The following DNASE1 variants were observed in gnomAD, a reference collection of about 807,000 sequenced individuals.
The protein encoded by DNASE1 is deoxyribonuclease 1.
Under a neutral mutation model 33.9 loss-of-function variants are expected in DNASE1, and 40 were observed. The ratio of observed to expected loss-of-function variants is 1.18; its 90% CI spans 0.92 to 1.54. The LOEUF (loss-of-function observed/expected upper bound fraction) is 1.54. Ranked by LOEUF, DNASE1 falls within the 40% of genes most tolerant of loss-of-function variation. DNASE1 has a pLI of 0.00. For missense variants in DNASE1, 518 were observed against 372.6 expected (o/e 1.39, Z -3.21); for synonymous variants, 216 against 160.0 (o/e 1.35, Z -2.64).
chr16:3,658,674 AAAAC>A (rs35893407), downstream of DNASE1: 11,261 of 983,046 alleles, frequency 0.011, 314 homozygotes, highest in East Asian at 0.094. Flanking sequence ...TCCATCTCAA[AAAAC>A]AAACAAACAA....
At chr16:3,659,734 TA>T (rs1197052063), downstream of DNASE1, 1 of 145,604 alleles carries the variant, frequency 6.9e-6, no homozygotes, top group Non-Finnish European at 1.5e-5. Context: ...TGCATCCCTT[TA>T]AACACTTTTT....
At chr16:3,635,102 G>T (rs2041828069) in intron 1 of DNASE1, among the ~76,000 whole-genome samples, 1 of 152,160 alleles carries the variant, frequency 6.6e-6, no homozygotes. Context: ...CTAGAGGCAT[G>T]CACCACCATG....
chr16:3,613,774 A>G (rs949581842), intron 1 of DNASE1, among the ~76,000 whole-genome samples: 5 of 152,038 alleles, frequency 3.3e-5, no homozygotes, highest in African/African-American at 1.2e-4. Context: ...TTCGTTTTCG[A>G]CGGAGTTTGG....
rs555538188 is a variant in DNASE1 at position 3,621,312 on chromosome 16, C to T, written c.-1359+9306C>T. Among the ~76,000 whole-genome samples, 20 of 152,276 alleles carry T rather than the reference C, an allele frequency of 1.3e-4. No individual in the cohort carries two copies. The South Asian group carries it at 3.9e-3, about 30-fold the overall frequency. Reference sequence around the variant, plus strand: ...ATCTTGCCCAGGCTGATCTTAAACTCTTAGCCTCTGGTGATCCTCCTGCCT... The same window carrying T: ...ATCTTGCCCAGGCTGATCTTAAACTTTTAGCCTCTGGTGATCCTCCTGCCT... On this transcript the variant is annotated intron_variant and NMD_transcript_variant, in intron 1 of 11. Transcript: ENST00000570769.
At chr16:3,649,616 G>T (rs1022255025) in intron 1 of DNASE1, among the ~76,000 whole-genome samples, 3 of 152,216 alleles carry the variant, frequency 2.0e-5, no homozygotes, top group African/African-American at 7.2e-5. Flanking sequence ...CATTATGTCA[G>T]ATCAGAAGCT....
chr16:3,639,469 C>G (rs746083347), upstream of DNASE1, among the ~76,000 whole-genome samples: 1 of 152,196 alleles, frequency 6.6e-6, no homozygotes, highest in Non-Finnish European at 1.5e-5. Flanking sequence ...CGTCCTCGCA[C>G]GTGGTTCTTG....
In DNASE1 at chr16:3,657,202, G is replaced by C; in HGVS notation, c.565G>C (p.Gly189Arg). 1 of 1,614,088 alleles carries C rather than the reference G, an allele frequency of 6.2e-7. No homozygotes were observed. Among genetic ancestry groups the C allele is most frequent in the Non-Finnish European group, 8.5e-7 (1 of 1,180,016 alleles). The change falls in exon 7 of 9, where the codon GGC becomes CGC. Residue 189 changes from glycine to arginine, a missense_variant. Gly to Arg is a moderately radical substitution (Grantham distance 125). Transcript: ENST00000246949. ...TTCCTGGTAGGACGTCATGTTGATG[G>C]GCGACTTCAATGCGGGCTGCAGCTA... ...KWGLEDVMLM[G>R]DFNAGCSYVR...
At chr16:3,640,833 C>G (rs947134688), upstream of DNASE1, 1 of 398,634 alleles carries the variant, frequency 2.5e-6, no homozygotes, top group Admixed American at 4.4e-5. Context: ...GGCTGTCACT[C>G]CTGGGCCCAG....
intron 1 of DNASE1, among the ~76,000 whole-genome samples, chr16:3,620,516 C>G (rs1481842835): frequency 1.4e-5 from 2 of 145,532 alleles, no homozygotes; most frequent in African/African-American, 2.5e-5. Flanking sequence ...GAGACCCTGT[C>G]TCAAAAAAAA....
chr16:3,617,326 CAAAA>C lies in DNASE1; in HGVS notation c.-1359+5344_-1359+5347del, dbSNP rs56670885. Among the ~76,000 whole-genome samples, 266 of 57,676 alleles carry C rather than the reference CAAAA, an allele frequency of 4.6e-3. 1 individual carries two copies. The highest frequency in any genetic ancestry group is 0.02 in the African/African-American group (253 of 12,884). 37.8% of individuals were successfully genotyped at this position (57,676 alleles called of 152,430 possible). A position where few individuals can be genotyped will look rare whatever the true frequency, so the allele number is the denominator to read the frequency against. On this transcript the variant is annotated intron_variant and NMD_transcript_variant, in intron 1 of 11. Transcript: ENST00000570769. The stretch of plus-strand genomic sequence containing the variant: ...AGTCAACAAGAGCGAAACTCCATCT[CAAAA>C]AAAAAAAAAAAAAAAAAAAAAAAGA...
intron 1 of DNASE1, among the ~76,000 whole-genome samples, chr16:3,619,462 T>C (rs538989100): frequency 7.3e-5 from 11 of 151,160 alleles, no homozygotes; most frequent in South Asian, 4.2e-4. Flanking sequence ...CCCAGTTGCA[T>C]GCCATTCTCC....
downstream of DNASE1, chr16:3,659,625 G>A (rs1463523964): frequency 3.3e-5 from 5 of 152,122 alleles, no homozygotes; most frequent in Non-Finnish European, 7.4e-5. Context: ...CGAGGGCTCT[G>A]GGGAACTGTA....
intron 1 of DNASE1, among the ~76,000 whole-genome samples, 152 bp downstream of exon 1, chr16:3,655,196 T>A (rs568388191): frequency 1.4e-4 from 21 of 152,304 alleles, no homozygotes; most frequent in Admixed American, 1.3e-3. Flanking sequence ...CTCGGGGTCC[T>A]CTACGTGGTG....
intron 1 of DNASE1, among the ~76,000 whole-genome samples, chr16:3,634,572 C>T (rs533544082): frequency 3.2e-4 from 49 of 152,088 alleles, no homozygotes; most frequent in Non-Finnish European, 5.4e-4. Flanking sequence ...TATAGTGGTG[C>T]GATCATAGCA....
rs755091005 is a variant in DNASE1 at position 3,655,899 on chromosome 16, C to G, written c.198C>G (p.His66Gln). The G allele has an allele frequency of 8.7e-5, 141 of 1,613,948 alleles. No individual in the cohort carries two copies. The highest frequency in any genetic ancestry group is 1.2e-4 in the Non-Finnish European group (137 of 1,180,026). The change falls in exon 3 of 9, where the codon CAC becomes CAG. Residue 66 changes from histidine (H) to glutamine (Q), a missense_variant. By Grantham distance (24) the His-to-Gln change is conservative (BLOSUM62 0). Transcript: ENST00000246949. ...IALVQEVRDS[H>Q]LTAVGKLLDN... ...TGGTCCAGGAGGTCAGAGACAGCCA[C>G]CTGACTGCCGTGGGGAAGCTGCTGG...
exon 10 of DNASE1, chr16:3,663,978 A>G: frequency 2.8e-6 from 1 of 360,774 alleles, no homozygotes; most frequent in East Asian, 5.6e-5. Flanking sequence ...CAGGAGAATG[A>G]CCTGAACCCA....
At chr16:3,654,007 G>A (rs555218832), upstream of DNASE1, 6 of 171,484 alleles carry the variant, frequency 3.5e-5, no homozygotes, top group African/African-American at 1.4e-4. Context: ...TACTCAGGAG[G>A]CTGAGGAGGG....
chr16:3,658,014 C>A lies in DNASE1; in HGVS notation c.*61C>A. Reference sequence around the variant, plus strand: ...AGAGGACCCATCCTGCCACAGGACCCAGAAAAAAAGCCCAACACACACTCG... The same window carrying A: ...AGAGGACCCATCCTGCCACAGGACCAAGAAAAAAAGCCCAACACACACTCG... On this transcript the variant is annotated 3_prime_UTR_variant, in exon 9 of 9. Transcript: ENST00000246949. The A allele has an allele frequency of 6.2e-7, 1 of 1,611,576 alleles. No individual in the cohort carries two copies. Among genetic ancestry groups the A allele is most frequent in the South Asian group, 1.1e-5 (1 of 90,854 alleles).
upstream of DNASE1, chr16:3,650,603 C>CAAAAAAAAAAA (rs201718600): frequency 6.3e-5 from 4 of 63,342 alleles, no homozygotes; most frequent in African/African-American, 1.2e-4. Flanking sequence ...TATGGTCATT[C>CAAAAAAAAAAA]AAAAAAAAAA....
Sources: allele counts gnomAD v4.1 joint callset (sites outside exome capture counted in the v4.1 genomes callset), GRCh38; gene constraint gnomAD v4.1.1; transcripts MANE v1.5; gene names NCBI Gene and HGNC (gene_info 2026-07-23, HGNC 2026-07-21).